The following FGD4 variants were observed in gnomAD, a reference collection of about 807,000 sequenced individuals.
FGD4 encodes FYVE, RhoGEF and PH domain containing 4.
In FGD4, 42 loss-of-function variants were observed where a neutral mutation model predicts 102.0. That is an observed-to-expected ratio of 0.41 (90% confidence interval 0.32 to 0.53). FGD4 has a LOEUF of 0.53. Ranked by LOEUF, FGD4 falls within the 20% of genes least tolerant of loss-of-function variation. FGD4 has a pLI of 0.21. For missense variants in FGD4, 902 were observed against 1,078.2 expected (o/e 0.84, Z 2.29); for synonymous variants, 380 against 375.7 (o/e 1.01, Z -0.13).
intron 2 of FGD4, among the ~76,000 whole-genome samples, chr12:32,573,700 T>G (rs1053132790): frequency 2.0e-5 from 3 of 152,232 alleles, no homozygotes; most frequent in Non-Finnish European, 2.9e-5. Context: ...ATTTACTGAT[T>G]TACTGTACAT....
chr12:32,552,743 A>G (rs1943784742), intron 1 of FGD4, among the ~76,000 whole-genome samples: 1 of 151,480 alleles, frequency 6.6e-6, no homozygotes, highest in Non-Finnish European at 1.5e-5. Context: ...ACAGCAGAGC[A>G]CACTGGCCAG....
At chr12:32,624,732 C>T in intron 12 of FGD4, 1 of 646,112 alleles carries the variant, frequency 1.5e-6, no homozygotes, top group Non-Finnish European at 2.8e-6. Flanking sequence ...CCTCGGTCTC[C>T]CAAAGTGCTG....
chr12:32,633,569 C>G lies in FGD4; in HGVS notation c.2193C>G (p.Ser731=). The change falls in exon 15 of 17, where the codon TCC becomes TCG. Residue 731 remains serine, a synonymous_variant. Transcript: ENST00000534526. ...ACGYVVCWKC[S]DYKAQLEYDG... ...TTAAGGTGGTTTGTTGGAAATGCTC[C>G]GACTACAAAGCTCAACTTGAATATG... 6.2e-7 allele frequency: 1 copy of G among 1,613,440 alleles called. No individual in the cohort carries two copies. Among genetic ancestry groups the G allele is most frequent in the Non-Finnish European group, 8.5e-7 (1 of 1,179,736 alleles).
At chr12:32,482,077 A>G (rs1323633968) in intron 1 of FGD4, among the ~76,000 whole-genome samples, 1 of 152,238 alleles carries the variant, frequency 6.6e-6, no homozygotes, top group Non-Finnish European at 1.5e-5. Context: ...AATTGTCTAT[A>G]CCAGTAAAAT....
At chr12:32,565,406 T>C (rs577004129) in intron 2 of FGD4, among the ~76,000 whole-genome samples, 2 of 152,206 alleles carry the variant, frequency 1.3e-5, no homozygotes, top group Non-Finnish European at 2.9e-5. Flanking sequence ...TGCTCCCTTA[T>C]AGCATTGACG....
intron 1 of FGD4, among the ~76,000 whole-genome samples, chr12:32,401,954 GT>G (rs1376777139): frequency 1.1e-4 from 16 of 146,126 alleles, no homozygotes; most frequent in African/African-American, 3.8e-4. Context: ...CCAGGCTGGA[GT>G]GCAGTGACGC....
rs1200865600 is a variant in FGD4 at position 32,644,862 on chromosome 12, A to G, written c.*4329A>G. 6.7e-6 allele frequency: 1 copy of G among 150,122 alleles called. No individual in the cohort carries two copies. The highest frequency in any genetic ancestry group is 1.5e-5 in the Non-Finnish European group (1 of 67,808). 9.3% of individuals were successfully genotyped at this position (150,122 alleles called of 1,614,324 possible). On this transcript the variant is annotated 3_prime_UTR_variant, in exon 17 of 17. Transcript: ENST00000534526. Reference sequence around the variant, plus strand: ...TTTTAAAAAATAATTTCATTCTCAGATCATTTTCTGTACTGTTTACTGAGG... The same window carrying G: ...TTTTAAAAAATAATTTCATTCTCAGGTCATTTTCTGTACTGTTTACTGAGG...
intron 1 of FGD4, among the ~76,000 whole-genome samples, chr12:32,481,039 A>T (rs1439882812): frequency 7.1e-6 from 1 of 140,982 alleles, no homozygotes; most frequent in Non-Finnish European, 1.5e-5. Flanking sequence ...CTGGCCTTGA[A>T]CTCCTGGGCT....
At chr12:32,406,290 A>G (rs1349808600) in intron 1 of FGD4, among the ~76,000 whole-genome samples, 1 of 151,130 alleles carries the variant, frequency 6.6e-6, no homozygotes, top group Non-Finnish European at 1.5e-5. Flanking sequence ...GCAGTGGCTC[A>G]TGTGTGTAAT....
At chr12:32,429,956 A>T (rs1228035895) in intron 1 of FGD4, among the ~76,000 whole-genome samples, 3 of 151,532 alleles carry the variant, frequency 2.0e-5, no homozygotes, top group Admixed American at 2.0e-4. Flanking sequence ...GGTTTACTGT[A>T]GTTAATGAGG....
intron 13 of FGD4, among the ~76,000 whole-genome samples, chr12:32,625,269 C>CTTTTT (rs374139685): frequency 1.7e-5 from 2 of 119,910 alleles, no homozygotes; most frequent in Non-Finnish European, 1.7e-5. Context: ...TTTTCTTATT[C>CTTTTT]TTTTTTTTTT....
chr12:32,486,257 C>A, intron 1 of FGD4: 1 of 1,013,592 alleles, frequency 9.9e-7, no homozygotes, highest in Non-Finnish European at 1.4e-6. Context: ...TCTTTGTTTA[C>A]TGTTAAGTGA....
intron 1 of FGD4, among the ~76,000 whole-genome samples, chr12:32,560,347 G>C (rs1319802681): frequency 1.3e-5 from 2 of 152,116 alleles, no homozygotes; most frequent in Admixed American, 6.6e-5. Context: ...AAACTCCCAG[G>C]TTTAAGCCAT....
intron 1 of FGD4, among the ~76,000 whole-genome samples, chr12:32,563,502 T>G (rs1192735347): frequency 6.7e-6 from 1 of 148,654 alleles, no homozygotes; most frequent in Non-Finnish European, 1.5e-5. Context: ...GCAGAGACAC[T>G]CCTCACTTTC....
intron 4 of FGD4, among the ~76,000 whole-genome samples, chr12:32,594,420 A>G (rs1046041112): frequency 2.0e-5 from 3 of 152,210 alleles, no homozygotes; most frequent in Non-Finnish European, 4.4e-5. Flanking sequence ...GTTGCAGGAA[A>G]ACAAGATCAG....
chr12:32,633,563 A>G lies in FGD4; in HGVS notation c.2187A>G (p.Lys729=). The G allele has an allele frequency of 1.2e-6, 2 of 1,613,798 alleles. No individual in the cohort carries two copies. Among genetic ancestry groups the G allele is most frequent in the Non-Finnish European group, 8.5e-7 (1 of 1,179,816 alleles). ...TTAAATTTAAGGTGGTTTGTTGGAA[A>G]TGCTCCGACTACAAAGCTCAACTTG... ...CRACGYVVCW[K]CSDYKAQLEY... The change falls in exon 15 of 17, where the codon AAA becomes AAG. Residue 729 remains lysine, a synonymous_variant. Transcript: ENST00000534526.
chr12:32,484,538 G>C (rs1275641741), intron 1 of FGD4, among the ~76,000 whole-genome samples: 1 of 152,104 alleles, frequency 6.6e-6, no homozygotes, highest in Non-Finnish European at 1.5e-5. Context: ...TTAATGTTTA[G>C]GTGTTTTAAA....
chr12:32,442,865 T>G (rs1942492008), intron 1 of FGD4, among the ~76,000 whole-genome samples: 1 of 152,192 alleles, frequency 6.6e-6, no homozygotes, highest in African/African-American at 2.4e-5. Flanking sequence ...GGCTTCCATC[T>G]TTTATAGTAG....
rs201592101 is a variant in FGD4, at chr12:32,518,828, A to C, written c.167-45309A>C. Among the ~76,000 whole-genome samples the C allele has an allele frequency of 6.6e-3, 959 of 145,960 alleles. 12 individuals carry two copies. Among genetic ancestry groups the C allele is most frequent in the African/African-American group, 0.023 (916 of 40,392 alleles). Reference sequence around the variant, plus strand: ...TTTTTCTTTACAAAAGAAAAAAAAAACAAGGGCCAGGCACGGCAGCTCACG... The same window carrying C: ...TTTTTCTTTACAAAAGAAAAAAAAACCAAGGGCCAGGCACGGCAGCTCACG... On this transcript the variant is annotated intron_variant, in intron 1 of 16. Coordinates refer to ENST00000534526, the MANE Select transcript of FGD4 (RefSeq NM_001370298.3).
Sources: gnomAD v4.1 joint callset for allele counts (sites outside exome capture counted in the v4.1 genomes callset) on GRCh38, gnomAD v4.1.1 for gene constraint, MANE v1.5 for transcripts, NCBI Gene and HGNC (gene_info 2026-07-23, HGNC 2026-07-21) for gene names.